The following ZNF804B variants were observed in gnomAD, a reference collection of about 807,000 sequenced individuals.
ZNF804B encodes zinc finger protein 804B.
ZNF804B carries 80 observed loss-of-function variants against 101.4 expected under a neutral mutation model. The observed-to-expected ratio is 0.79, with a 90% confidence interval of 0.66 to 0.95. ZNF804B has a LOEUF of 0.95. Ranked by LOEUF, ZNF804B falls within the 40% of genes least tolerant of loss-of-function variation. ZNF804B has a pLI of 0.00. For synonymous variants in ZNF804B, 622 were observed against 558.8 expected (o/e 1.11, Z -1.59); for missense variants, 1,673 against 1,561.9 (o/e 1.07, Z -1.20).
intron 2 of ZNF804B, among the ~76,000 whole-genome samples, chr7:89,253,051 A>C (rs1789566658): frequency 6.6e-6 from 1 of 152,184 alleles, no homozygotes; most frequent in Non-Finnish European, 1.5e-5. Flanking sequence ...AGAAAAAGTT[A>C]ACATAAATAA....
chr7:89,044,479 G>T (rs1789071583), intron 1 of ZNF804B, among the ~76,000 whole-genome samples: 1 of 152,210 alleles, frequency 6.6e-6, no homozygotes, highest in Admixed American at 6.5e-5. Context: ...AACAGGCAGA[G>T]GTTGGAACTG....
At chr7:88,796,535 T>A (rs963320216) in intron 1 of ZNF804B, among the ~76,000 whole-genome samples, 2 of 152,146 alleles carry the variant, frequency 1.3e-5, no homozygotes, top group Non-Finnish European at 2.9e-5. Context: ...TGGAAGAAAG[T>A]GTCCATGTTG....
chr7:89,242,959 G>T (rs1400864848), intron 2 of ZNF804B, among the ~76,000 whole-genome samples: 1 of 151,818 alleles, frequency 6.6e-6, no homozygotes, highest in African/African-American at 2.4e-5. Context: ...TATGTTGGAA[G>T]AGTTGGCTAT....
chr7:88,989,962 T>A (rs1400506015), intron 1 of ZNF804B, among the ~76,000 whole-genome samples: 2 of 152,028 alleles, frequency 1.3e-5, no homozygotes, highest in Admixed American at 6.6e-5. Flanking sequence ...TATCTATAAT[T>A]TTTTTCTTAT....
intron 2 of ZNF804B, among the ~76,000 whole-genome samples, chr7:89,224,307 G>A (rs1789048256): frequency 6.6e-6 from 1 of 151,984 alleles, no homozygotes; most frequent in South Asian, 2.1e-4. Flanking sequence ...CACTTGTCAA[G>A]CCCTGGATTT....
intron 1 of ZNF804B, among the ~76,000 whole-genome samples, chr7:88,941,352 G>C (rs932911526): frequency 1.3e-5 from 2 of 151,944 alleles, no homozygotes; most frequent in African/African-American, 4.8e-5. Flanking sequence ...GCTAAAACTT[G>C]GAAGTAACCA....
At chr7:88,948,306 A>ATT (rs68069374) in intron 1 of ZNF804B, among the ~76,000 whole-genome samples, 3,771 of 92,622 alleles carry the variant, frequency 0.041, 119 homozygotes, top group Non-Finnish European at 0.057. Flanking sequence ...CCACCCATCC[A>ATT]TTTTTTTTTT....
chr7:89,076,681 T>G (rs577290409), intron 1 of ZNF804B, among the ~76,000 whole-genome samples: 1 of 152,272 alleles, frequency 6.6e-6, no homozygotes, highest in Non-Finnish European at 1.5e-5. Flanking sequence ...CAAAGATTCT[T>G]AAGAGAAATT....
At chr7:88,947,363 C>A (rs746850545) in intron 1 of ZNF804B, among the ~76,000 whole-genome samples, 8 of 151,886 alleles carry the variant, frequency 5.3e-5, no homozygotes, top group Non-Finnish European at 1.0e-4. Flanking sequence ...ATGTCTTTTG[C>A]AGGGACATGG....
chr7:88,823,510 G>T (rs1423472898), intron 1 of ZNF804B, among the ~76,000 whole-genome samples: 2 of 152,070 alleles, frequency 1.3e-5, no homozygotes, highest in South Asian at 2.1e-4. Context: ...AATAGATAAA[G>T]GTCACCAGGA....
chr7:89,311,619 C>T (rs1257215981), intron 2 of ZNF804B, among the ~76,000 whole-genome samples: 3 of 152,132 alleles, frequency 2.0e-5, no homozygotes, highest in Non-Finnish European at 1.5e-5. Flanking sequence ...GTAGATACTT[C>T]ATGGGAATTA....
intron 1 of ZNF804B, among the ~76,000 whole-genome samples, chr7:88,803,351 G>T (rs572083117): frequency 6.6e-6 from 1 of 152,268 alleles, no homozygotes; most frequent in East Asian, 1.9e-4. Context: ...CCAACTAGGA[G>T]TCAAGATAGG....
At chr7:89,074,581 T>C (rs1562877275) in intron 1 of ZNF804B, among the ~76,000 whole-genome samples, 1 of 152,146 alleles carries the variant, frequency 6.6e-6, no homozygotes, top group African/African-American at 2.4e-5. Context: ...GAACTATAAG[T>C]CCATTAAACC....
chr7:89,311,131 T>TCA (rs1790644490), intron 2 of ZNF804B, among the ~76,000 whole-genome samples: 1 of 152,054 alleles, frequency 6.6e-6, no homozygotes, highest in Non-Finnish European at 1.5e-5. Context: ...GAAATGAACC[T>TCA]CACACACAAA....
intron 2 of ZNF804B, 122 bp from the exon 3 acceptor site, chr7:89,327,222 T>C: frequency 1.2e-6 from 1 of 859,232 alleles, no homozygotes; most frequent in East Asian, 3.2e-5. Flanking sequence ...GAAGATACTT[T>C]TACTCTTTCT....
chr7:88,760,854 A>G (rs1648628472), intron 1 of ZNF804B, among the ~76,000 whole-genome samples: 1 of 147,722 alleles, frequency 6.8e-6, no homozygotes, highest in Non-Finnish European at 1.5e-5. Flanking sequence ...TTTCAAGAAA[A>G]TGTGTGTGAA....
At chr7:89,129,269 C>A (rs1354407258) in intron 1 of ZNF804B, among the ~76,000 whole-genome samples, 1 of 151,940 alleles carries the variant, frequency 6.6e-6, no homozygotes, top group Non-Finnish European at 1.5e-5. Context: ...TTAAGTAATT[C>A]AATAAAGTGA....
chr7:89,215,832 C>T (rs1788884608), intron 1 of ZNF804B, among the ~76,000 whole-genome samples: 1 of 151,062 alleles, frequency 6.6e-6, no homozygotes, highest in Non-Finnish European at 1.5e-5. Context: ...TACAGTCAGC[C>T]GAGATCACGC....
chr7:88,853,021 T>G (rs1263795118), intron 1 of ZNF804B, among the ~76,000 whole-genome samples: 2 of 151,882 alleles, frequency 1.3e-5, no homozygotes, highest in African/African-American at 4.8e-5. Context: ...CTGCTTGGAG[T>G]GAAAAGAAGC....
Sources: allele counts gnomAD v4.1 joint callset (sites outside exome capture counted in the v4.1 genomes callset), GRCh38; gene constraint gnomAD v4.1.1; transcripts MANE v1.5; gene names NCBI Gene and HGNC (gene_info 2026-07-23, HGNC 2026-07-21).